Variants in ACTN2 observed in about 807,000 individuals in gnomAD.
ACTN2 encodes the protein actinin alpha 2, also known as alpha-actinin-2.
Under a neutral mutation model 113.8 loss-of-function variants are expected in ACTN2, and 39 were observed. The observed-to-expected ratio is 0.34, with a 90% CI of 0.27 to 0.45. The LOEUF (loss-of-function observed/expected upper bound fraction) is 0.45, where lower values mean the gene tolerates loss of function less well. Among genes scored for constraint, ACTN2 ranks in the 20% least tolerant of loss-of-function variants. The probability of loss-of-function intolerance (pLI) is 1.00; values close to 1 mark genes in which losing one functional copy is unlikely to be tolerated. For missense variants in ACTN2, 992 were observed against 1,177.9 expected (o/e 0.84, Z 2.31); for synonymous variants, 429 against 444.1 (o/e 0.97, Z 0.43).
At chr1:236,709,878 A>T (rs1657974034) in intron 1 of ACTN2, among the ~76,000 whole-genome samples, 1 of 152,188 alleles carries the variant, frequency 6.6e-6, no homozygotes, top group African/African-American at 2.4e-5. Context: ...GTGATCTGAA[A>T]TGATTATTTT....
At chr1:236,751,728 G>A (rs1659402452) in intron 15 of ACTN2, 76 bp downstream of exon 15, 26 of 1,542,110 alleles carry the variant, frequency 1.7e-5, no homozygotes, top group East Asian at 2.3e-5. Context: ...TTAACGCCTC[G>A]GGGACTTAGG....
chr1:236,747,655 C>T lies in ACTN2; in HGVS notation c.1407-12C>T. The T allele has an allele frequency of 6.2e-7, 1 of 1,608,590 alleles. No individual in the cohort carries two copies. The highest frequency in any genetic ancestry group is 8.5e-7 in the Non-Finnish European group (1 of 1,175,356). ...GGGAAAGTTAATCTTTATTTATTTT[C>T]ACTTTTAATAGTGAACTGGACTATC... On this transcript the variant is annotated splice_polypyrimidine_tract_variant and intron_variant, in intron 12 of 20. Coordinates refer to ENST00000366578, the MANE Select transcript of ACTN2 (RefSeq NM_001103.4).
intron 2 of ACTN2, among the ~76,000 whole-genome samples, chr1:236,718,423 T>C (rs1572112944): frequency 6.6e-6 from 1 of 152,352 alleles, no homozygotes; most frequent in Admixed American, 6.5e-5. Flanking sequence ...GACTAGAGAA[T>C]GGATCACCTT....
At chr1:236,762,124 A>T (rs1329998301) in intron 20 of ACTN2, among the ~76,000 whole-genome samples, 1 of 152,170 alleles carries the variant, frequency 6.6e-6, no homozygotes, top group Non-Finnish European at 1.5e-5. Flanking sequence ...CCTATTTCCC[A>T]CTGAACTTTT....
chr1:236,737,050 C>A (rs976576531), intron 8 of ACTN2, 72 bp from the exon 9 acceptor site: 1 of 1,307,168 alleles, frequency 7.7e-7, no homozygotes, highest in Non-Finnish European at 1.1e-6. Context: ...CTCTCATCAC[C>A]CACCTCGTTC....
chr1:236,749,901 G>T (rs1227688355), intron 14 of ACTN2, among the ~76,000 whole-genome samples: 2 of 152,190 alleles, frequency 1.3e-5, no homozygotes, highest in Middle Eastern at 3.2e-3. Flanking sequence ...TGAAAAAGTT[G>T]TAAGTGTACT....
At chr1:236,758,576 A>C (rs140028531) in intron 18 of ACTN2, among the ~76,000 whole-genome samples, 247 of 150,184 alleles carry the variant, frequency 1.6e-3, no homozygotes, top group African/African-American at 5.8e-3. Context: ...AGTGTGAGCC[A>C]CCGCACCTGG....
At chr1:236,731,517 A>G (rs1572125388) in intron 7 of ACTN2, among the ~76,000 whole-genome samples, 1 of 152,210 alleles carries the variant, frequency 6.6e-6, no homozygotes, top group South Asian at 2.1e-4. Flanking sequence ...TAAAAATTGT[A>G]CCCTCAAACA....
chr1:236,737,396 T>C (rs1658921486), intron 9 of ACTN2, among the ~76,000 whole-genome samples, 182 bp downstream of exon 9: 1 of 147,520 alleles, frequency 6.8e-6, no homozygotes, highest in South Asian at 2.2e-4. Context: ...TGTAGTAACC[T>C]AACTTTTGGC....
At chr1:236,716,198 G>A (rs1189660329) in intron 1 of ACTN2, among the ~76,000 whole-genome samples, 1 of 151,266 alleles carries the variant, frequency 6.6e-6, no homozygotes, top group African/African-American at 2.4e-5. Flanking sequence ...TATCACCCAG[G>A]AAAATCATTT....
intron 1 of ACTN2, among the ~76,000 whole-genome samples, chr1:236,716,245 A>G (rs1295300674): frequency 6.6e-6 from 1 of 152,144 alleles, no homozygotes; most frequent in Non-Finnish European, 1.5e-5. Flanking sequence ...CTGACTTAGA[A>G]GCAGCCTGTT....
intron 1 of ACTN2, among the ~76,000 whole-genome samples, chr1:236,694,571 C>T (rs1657415109): frequency 6.6e-6 from 1 of 152,040 alleles, no homozygotes; most frequent in African/African-American, 2.4e-5. Context: ...TTCTAAGAAA[C>T]GTTTAGTACA....
intron 10 of ACTN2, 58 bp downstream of exon 10, chr1:236,739,590 A>C: frequency 1.3e-6 from 2 of 1,586,318 alleles, no homozygotes; most frequent in Non-Finnish European, 1.7e-6. Context: ...TCTAGCCTAA[A>C]GGCGTTTGAC....
chr1:236,757,758 T>C, intron 18 of ACTN2, 126 bp downstream of exon 18: 21 of 1,340,150 alleles, frequency 1.6e-5, no homozygotes, highest in Non-Finnish European at 2.1e-5. Context: ...GGATAGTTAA[T>C]GACAAAAGAA....
rs759620682 is a variant in ACTN2 at position 236,717,844 on chromosome 1, G to T, written c.127-14G>T. Reference sequence around the variant, plus strand: ...GATGGACCTGTGCTAAACCGTGTTTGGTTTTCTTTGCAGACCTTCACTGCC... The same window carrying T: ...GATGGACCTGTGCTAAACCGTGTTTTGTTTTCTTTGCAGACCTTCACTGCC... On this transcript the variant is annotated splice_polypyrimidine_tract_variant and intron_variant, in intron 1 of 20. Coordinates refer to ENST00000366578, the MANE Select transcript of ACTN2 (RefSeq NM_001103.4). 1.3e-6 allele frequency: 2 copies of T among 1,583,784 alleles called. No individual in the cohort carries two copies. The highest frequency in any genetic ancestry group is 1.1e-5 in the South Asian group (1 of 90,348).
At chr1:236,704,190 ACTT>A (rs1442251240) in intron 1 of ACTN2, among the ~76,000 whole-genome samples, 2 of 152,208 alleles carry the variant, frequency 1.3e-5, no homozygotes, top group Non-Finnish European at 2.9e-5. Context: ...CATATGATGG[ACTT>A]CAGTTCTGTG....
Position 236,686,571 on chromosome 1 carries a change from GCGCCCGC to G in ACTN2, c.-84_-78del, listed in dbSNP as rs552471202. 4,162 of 1,312,918 alleles carry G rather than the reference GCGCCCGC, an allele frequency of 3.2e-3. 63 individuals are homozygous for G. In the African/African-American group the frequency reaches 0.038, roughly 12 times the overall value. 81.3% of individuals were successfully genotyped at this position (1,312,918 alleles called of 1,614,324 possible). On this transcript the variant is annotated 5_prime_UTR_variant, in exon 1 of 21. Transcript: ENST00000366578. The stretch of plus-strand genomic sequence containing the variant: ...AGAGGAGCCGCGCGAAGGTCACCCC[GCGCCCGC>G]CGCCCGCCGCCCGCCGCCTCCGTGG...
intron 1 of ACTN2, among the ~76,000 whole-genome samples, chr1:236,708,199 G>A (rs1380025972): frequency 3.9e-5 from 6 of 151,962 alleles, no homozygotes; most frequent in Non-Finnish European, 2.9e-5. Context: ...AGAGATTCGT[G>A]GGCAGAGAAT....
intron 1 of ACTN2, among the ~76,000 whole-genome samples, chr1:236,713,225 T>C (rs1385494824): frequency 7.4e-6 from 1 of 136,038 alleles, no homozygotes; most frequent in Non-Finnish European, 1.7e-5. Flanking sequence ...TGTTCTTTTT[T>C]CTTTTTTTTT....
Sources: allele counts gnomAD v4.1 joint callset (sites outside exome capture counted in the v4.1 genomes callset), GRCh38; gene constraint gnomAD v4.1.1; transcripts MANE v1.5; gene names NCBI Gene and HGNC (gene_info 2026-07-23, HGNC 2026-07-21).